The following HECTD2 variants were observed in gnomAD, a reference collection of about 807,000 sequenced individuals.
HECTD2 encodes HECT domain E3 ubiquitin protein ligase 2, also known as probable E3 ubiquitin-protein ligase HECTD2.
A neutral mutation model predicts 103.2 loss-of-function variants in HECTD2; 35 were observed. The ratio of observed to expected loss-of-function variants is 0.34; its 90% CI spans 0.26 to 0.45. The LOEUF (loss-of-function observed/expected upper bound fraction) is 0.45. HECTD2 is among the 20% of genes least tolerant of loss of function. The pLI is 1.00. For synonymous variants in HECTD2, 281 were observed against 329.9 expected, an observed-to-expected ratio of 0.85 and a Z score of 1.61; for missense variants, 596 against 937.4, an observed-to-expected ratio of 0.64 and a Z score of 4.76.
At chr10:91,465,050 C>T (rs527320791) in intron 5 of HECTD2, among the ~76,000 whole-genome samples, 1 of 152,280 alleles carries the variant, frequency 6.6e-6, no homozygotes, top group East Asian at 1.9e-4. Flanking sequence ...TAAAAAAACA[C>T]ATGCAAAGAC....
chr10:91,491,430 G>T, intron 12 of HECTD2, 123 bp downstream of exon 12: 1 of 524,308 alleles, frequency 1.9e-6, no homozygotes, highest in South Asian at 2.7e-5. Flanking sequence ...AAATTCTTTT[G>T]AAGATCTTGT....
At chr10:91,445,804 C>A (rs1844582609) in intron 2 of HECTD2, among the ~76,000 whole-genome samples, 1 of 152,038 alleles carries the variant, frequency 6.6e-6, no homozygotes, top group African/African-American at 2.4e-5. Flanking sequence ...CCTCCCCTAG[C>A]CAAGGGAAGT....
At chr10:91,474,814 A>G (rs1845847417) in intron 5 of HECTD2, among the ~76,000 whole-genome samples, 2 of 152,224 alleles carry the variant, frequency 1.3e-5, no homozygotes, top group Admixed American at 1.3e-4. Context: ...GGGCAATGTA[A>G]TAAGAAGTGA....
At chr10:91,489,632 A>T (rs1257070040) in intron 11 of HECTD2, 5 of 152,190 alleles carry the variant, frequency 3.3e-5, no homozygotes, top group Non-Finnish European at 7.3e-5. Context: ...CTAGACTGGG[A>T]ACAGAAGATA....
At chr10:91,443,365 G>C (rs1844443925) in intron 2 of HECTD2, among the ~76,000 whole-genome samples, 1 of 143,602 alleles carries the variant, frequency 7.0e-6, no homozygotes, top group African/African-American at 2.7e-5. Flanking sequence ...GAGTTTGCTG[G>C]AGGTCCACTC....
intron 5 of HECTD2, 56 bp downstream of exon 5, chr10:91,462,240 G>A: frequency 6.8e-7 from 1 of 1,472,604 alleles, no homozygotes; most frequent in South Asian, 1.4e-5. Context: ...TATATCAAAA[G>A]CAGCCATACA....
chr10:91,425,497 ATAGGTC>A (rs1246720982), intron 2 of HECTD2, 87 bp downstream of exon 2: 4 of 1,006,206 alleles, frequency 4.0e-6, no homozygotes, highest in Non-Finnish European at 5.5e-6. Flanking sequence ...CATTGTTCTG[ATAGGTC>A]TAGTTAATAC....
At chr10:91,493,551 G>T (rs1051152516) in intron 14 of HECTD2, 43 bp downstream of exon 14, 1 of 966,060 alleles carries the variant, frequency 1.0e-6, no homozygotes, top group Non-Finnish European at 1.5e-6. Flanking sequence ...ATAGATTAGA[G>T]ATTTTTAAAG....
Position 91,487,295 on chromosome 10 carries a change from G to T in HECTD2, c.1095-387G>T. On this transcript the variant is annotated intron_variant, in intron 10 of 20. Coordinates refer to ENST00000298068, the MANE Select transcript of HECTD2 (RefSeq NM_182765.6). This position sits in a 1 kb window ranked among gnomAD's most constrained non-coding sequence, Gnocchi z 4.1. ...CATCAGAAGTCACCATATAATGATGGATTCTTATATTAATTTTGAGCACCT... is the reference window on the plus strand; with the variant it reads ...CATCAGAAGTCACCATATAATGATGTATTCTTATATTAATTTTGAGCACCT... 4.6e-6 allele frequency: 1 copy of T among 219,308 alleles called. No homozygotes were observed. Among genetic ancestry groups the T allele is most frequent in the Non-Finnish European group, 9.3e-6 (1 of 107,084 alleles). The allele number at this position is 219,308 out of a possible 1,614,324, so 13.6% of individuals were successfully genotyped here.
At chr10:91,428,240 C>G (rs1843663190) in intron 2 of HECTD2, among the ~76,000 whole-genome samples, 1 of 151,696 alleles carries the variant, frequency 6.6e-6, no homozygotes, top group South Asian at 2.1e-4. Context: ...ATCTATATCT[C>G]TGTTTTGGTA....
intron 5 of HECTD2, among the ~76,000 whole-genome samples, chr10:91,467,478 G>T (rs1000564031): frequency 1.3e-5 from 2 of 152,120 alleles, no homozygotes; most frequent in Non-Finnish European, 2.9e-5. Flanking sequence ...CCCCCTGACT[G>T]CTGGCCTCTC....
At chr10:91,509,948 A>G (rs932110083) in intron 20 of HECTD2, among the ~76,000 whole-genome samples, 4 of 152,194 alleles carry the variant, frequency 2.6e-5, no homozygotes, top group Non-Finnish European at 5.9e-5. Context: ...GAGGAAAAAC[A>G]TGTTGTATTA....
At chr10:91,451,030 C>T (rs1201149677) in intron 2 of HECTD2, among the ~76,000 whole-genome samples, 1 of 152,008 alleles carries the variant, frequency 6.6e-6, no homozygotes, top group Non-Finnish European at 1.5e-5. Flanking sequence ...TTTTACCACC[C>T]AAAGGATGAT....
chr10:91,488,094 G>A, intron 11 of HECTD2: 1 of 179,932 alleles, frequency 5.6e-6, no homozygotes, highest in Non-Finnish European at 1.2e-5. Flanking sequence ...TAGATAACCA[G>A]CAGAGCATTG....
chr10:91,434,506 A>C (rs1462732807), intron 2 of HECTD2, among the ~76,000 whole-genome samples: 1 of 152,018 alleles, frequency 6.6e-6, no homozygotes, highest in Non-Finnish European at 1.5e-5. Flanking sequence ...ACATTTATAG[A>C]ATGAGGAAAT....
At chr10:91,415,632 C>T (rs7904917) in intron 1 of HECTD2, among the ~76,000 whole-genome samples, 30,473 of 152,040 alleles carry the variant, frequency 0.2, 7,250 homozygotes, top group African/African-American at 0.58. Flanking sequence ...GAGATGTTTC[C>T]GACTCATGTT....
chr10:91,454,497 G>C (rs1844980792), intron 2 of HECTD2, among the ~76,000 whole-genome samples: 1 of 152,032 alleles, frequency 6.6e-6, no homozygotes, highest in Non-Finnish European at 1.5e-5. Flanking sequence ...CATACCAAAA[G>C]TTGTGGGATA....
At chr10:91,439,351 T>G (rs1269180959) in intron 2 of HECTD2, among the ~76,000 whole-genome samples, 1 of 152,240 alleles carries the variant, frequency 6.6e-6, no homozygotes, top group Non-Finnish European at 1.5e-5. Context: ...CCCCATTGAT[T>G]GTTTTTGTCA....
At chr10:91,492,047 G>C (rs1375391541) in intron 12 of HECTD2, among the ~76,000 whole-genome samples, 2 of 152,154 alleles carry the variant, frequency 1.3e-5, no homozygotes, top group Middle Eastern at 6.8e-3. Context: ...CATTGAAGGG[G>C]AGTTTTTTTT....
Sources: allele counts gnomAD v4.1 joint callset (sites outside exome capture counted in the v4.1 genomes callset), GRCh38; gene constraint gnomAD v4.1.1; non-coding constraint Gnocchi (gnomAD v3.1); transcripts MANE v1.5; gene names NCBI Gene and HGNC (gene_info 2026-07-23, HGNC 2026-07-21).